ESPL1: variants seen among roughly 807,000 people sequenced by gnomAD.
The protein encoded by ESPL1 is extra spindle pole bodies like 1, separase, also known as separin.
A neutral mutation model predicts 217.2 loss-of-function variants in ESPL1; 50 were observed. The ratio of observed to expected loss-of-function variants is 0.23; its 90% CI spans 0.18 to 0.29. The LOEUF is 0.29. ESPL1 is among the 10% of genes least tolerant of loss of function. The pLI, the probability that ESPL1 is intolerant of heterozygous loss-of-function variation, is 1.00. For synonymous variants in ESPL1, 994 were observed against 1,081.3 expected, an observed-to-expected ratio of 0.92 and a Z score of 1.58; for missense variants, 1,834 against 2,603.0, an observed-to-expected ratio of 0.70 and a Z score of 6.43.
rs1944066371 is a variant in ESPL1 at position 53,291,879 on chromosome 12, G to A, written c.5691+19G>A. ...AGACAAGGTAAGGAGCTGGGGCAGA[G>A]GGGCAGTGTCTAGTGGGGAGTGAAT... On this transcript the variant is annotated intron_variant, in intron 26 of 30. Coordinates refer to ENST00000257934, the MANE Select transcript of ESPL1 (RefSeq NM_012291.5). 6.3e-7 allele frequency: 1 copy of A among 1,586,420 alleles called. No homozygotes were observed. The highest frequency in any genetic ancestry group is 1.7e-5 in the Admixed American group (1 of 58,068).
At position 53,286,170 on chromosome 12, in the gene ESPL1, C is replaced by A; in HGVS notation, c.3434C>A (p.Thr1145Asn). 1 of 1,614,276 alleles carries A rather than the reference C, an allele frequency of 6.2e-7. No homozygotes were observed. The highest frequency in any genetic ancestry group is 2.2e-5 in the East Asian group (1 of 44,888). Residue 1145 changes from threonine to asparagine, a missense_variant, in exon 18 of 31, where the codon ACC (threonine) becomes AAC (asparagine). Physicochemically the swap from Thr to Asn is moderately conservative, Grantham distance 65. Transcript: ENST00000257934. The surrounding 1 kb of genome is among the most constrained non-coding windows in gnomAD (Gnocchi z 5.3). Reference protein sequence around the residue: ...PIPNFLSHSPTCDCSLCASPV... With the variant: ...PIPNFLSHSPNCDCSLCASPV... The stretch of plus-strand genomic sequence containing the variant: ...CCCAACTTCCTGTCCCATTCACCCA[C>A]CTGTGACTGCTCGCTCTGCGCCAGC...
chr12:53,283,698 A>C (rs1282965038), intron 16 of ESPL1, among the ~76,000 whole-genome samples, 160 bp downstream of exon 16: 1 of 152,244 alleles, frequency 6.6e-6, no homozygotes, highest in African/African-American at 2.4e-5. Context: ...TGAGTTAATC[A>C]AGGTTAGATG....
rs761589487 is a variant in ESPL1 at position 53,281,545 on chromosome 12, C to T, written c.2538C>T (p.Leu846=). The part of the protein sequence containing the change: ...LEEAASSLKH[L]DQTTDTYLLL... ...AGGCAGCATCGAGCCTGAAGCATCT[C>T]GATCAGACTACTGACACATACCTGC... Residue 846 remains leucine, a synonymous_variant, in exon 13 of 31, where the codon CTC becomes CTT. Coordinates refer to ENST00000257934, the MANE Select transcript of ESPL1 (RefSeq NM_012291.5). 6.8e-6 allele frequency: 11 copies of T among 1,613,702 alleles called. No individual in the cohort carries two copies. The highest frequency in any genetic ancestry group is 1.7e-5 in the Admixed American group (1 of 59,996).
Position 53,292,633 on chromosome 12 carries a change from C to T in ESPL1, c.5972C>T (p.Ala1991Val). 6.2e-7 allele frequency: 1 copy of T among 1,612,926 alleles called. No homozygotes were observed. Among genetic ancestry groups the T allele is most frequent in the South Asian group, 1.1e-5 (1 of 91,076 alleles). Residue 1991 changes from alanine (A) to valine (V), a missense_variant, in exon 29 of 31, where the codon GCC becomes GTC. This residue lies in a region of ESPL1 where 295 missense variants were observed against 519.8 expected (regional missense o/e 0.57). Coordinates refer to ENST00000257934, the MANE Select transcript of ESPL1 (RefSeq NM_012291.5). This position sits in a 1 kb window ranked among gnomAD's most constrained non-coding sequence, Gnocchi z 4.5. ...CCAAGACCTGAACAGGTGCAGGAAGCCCTGACAAAGCATGATTTGTATATG... is the reference window on the plus strand; with the variant it reads ...CCAAGACCTGAACAGGTGCAGGAAGTCCTGACAAAGCATGATTTGTATATG... ...EVPRPEQVQE[A>V]LTKHDLYIYA...
At chr12:53,283,587 G>A (rs755748709) in intron 16 of ESPL1, 49 bp downstream of exon 16, 10 of 1,538,162 alleles carry the variant, frequency 6.5e-6, no homozygotes, top group Non-Finnish European at 8.9e-7. Context: ...AAAGTGCCAT[G>A]CACCCTTGAA....
chr12:53,290,320 G>A (rs963393658), intron 23 of ESPL1, 27 bp from the exon 24 acceptor site: 2 of 1,611,376 alleles, frequency 1.2e-6, no homozygotes, highest in Non-Finnish European at 1.7e-6. Context: ...TGGACAAGCA[G>A]AGCTCTCACA....
rs201681571 is a variant in ESPL1 at position 53,269,805 on chromosome 12, C to A, written c.863C>A (p.Ala288Asp). The change falls in exon 3 of 31, where the codon GCC (alanine) becomes GAC (aspartate). Residue 288 changes from alanine (A) to aspartate (D), a missense_variant. Ala to Asp is a moderately radical substitution (Grantham distance 126). Coordinates refer to ENST00000257934, the MANE Select transcript of ESPL1 (RefSeq NM_012291.5). This position sits in a 1 kb window ranked among gnomAD's most constrained non-coding sequence, Gnocchi z 6.7. ...AHSYLRNTNL[A>D]PSLQLCQLGV... ...AGTTACCTAAGGAACACCAATCTAG[C>A]CCCTAGCCTTCAGCTATGTCAGCTG... 2 of 1,614,196 alleles carry A rather than the reference C, an allele frequency of 1.2e-6. No individual in the cohort carries two copies. Among genetic ancestry groups the A allele is most frequent in the Middle Eastern group, 1.6e-4 (1 of 6,062 alleles).
chr12:53,288,530 C>T lies in ESPL1; in HGVS notation c.4547-8C>T. 1.2e-6 allele frequency: 2 copies of T among 1,606,282 alleles called. No individual in the cohort carries two copies. The highest frequency in any genetic ancestry group is 1.7e-6 in the Non-Finnish European group (2 of 1,177,044). ...GAGCACTGTGAAAAAGGCCTGCTCT[C>T]TCCCCAGGTGGGAAGACTCCAGCTC... On this transcript the variant is annotated splice_region_variant and splice_polypyrimidine_tract_variant and intron_variant, in intron 19 of 30. Transcript: ENST00000257934.
chr12:53,281,127 T>C (rs1375361527), intron 12 of ESPL1, among the ~76,000 whole-genome samples: 1 of 147,272 alleles, frequency 6.8e-6, no homozygotes, highest in East Asian at 2.0e-4. Context: ...GTAAATACTT[T>C]ACTCCACTTT....
chr12:53,291,221 G>C (rs181905888), intron 25 of ESPL1, among the ~76,000 whole-genome samples: 56 of 152,086 alleles, frequency 3.7e-4, no homozygotes, highest in Non-Finnish European at 6.9e-4. Flanking sequence ...AGAATTGCTT[G>C]AACCTGGGAG....
intron 14 of ESPL1, 30 bp from the exon 15 acceptor site, chr12:53,283,099 C>T: frequency 6.2e-7 from 1 of 1,613,678 alleles, no homozygotes; most frequent in Non-Finnish European, 8.5e-7. Context: ...CTGGCTGCAT[C>T]TTCTCCCTTT....
Position 53,277,515 on chromosome 12 carries a change from G to A in ESPL1, c.2131G>A (p.Glu711Lys), listed in dbSNP as rs1044812286. The change falls in exon 10 of 31, where the codon GAA becomes AAA. Residue 711 changes from glutamate to lysine, a missense_variant. By Grantham distance (56) the Glu-to-Lys change is moderately conservative (BLOSUM62 1). Around this residue, in one of 5 missense-constraint regions of ESPL1, gnomAD observed 746 missense variants for 1,077.0 expected, o/e 0.69. Transcript: ENST00000257934. ...RRAQAPGNLE[E>K]FEVNDLNYED... ...AGCCCAGGCCCCTGGTAACTTGGAGGAATTTGAAGTCAATGACCTGAACTA... is the reference window on the plus strand; with the variant it reads ...AGCCCAGGCCCCTGGTAACTTGGAGAAATTTGAAGTCAATGACCTGAACTA... 1 of 1,614,180 alleles carries A rather than the reference G, an allele frequency of 6.2e-7. No homozygotes were observed. Among genetic ancestry groups the A allele is most frequent in the African/African-American group, 1.3e-5 (1 of 75,042 alleles).
intron 18 of ESPL1, 143 bp downstream of exon 18, chr12:53,287,055 C>G: frequency 2.5e-6 from 2 of 786,922 alleles, no homozygotes; most frequent in Non-Finnish European, 3.9e-6. Flanking sequence ...CTGCAGTACC[C>G]CAATATCTTG....
chr12:53,278,021 C>T (rs1943800722), intron 11 of ESPL1, 61 bp downstream of exon 11: 4 of 1,545,992 alleles, frequency 2.6e-6, no homozygotes, highest in Non-Finnish European at 3.5e-6. Context: ...GAAACAGCTC[C>T]CTCGCCTTCT....
intron 20 of ESPL1, 180 bp downstream of exon 20, chr12:53,288,879 T>C: frequency 1.4e-6 from 1 of 715,730 alleles, no homozygotes; most frequent in Non-Finnish European, 2.3e-6. Flanking sequence ...CAAGCTTCTA[T>C]TCCTTCTGTA....
Position 53,290,356 on chromosome 12 carries a change from C to A in ESPL1, c.5251C>A (p.Arg1751Ser). ...GCCCCATCTCCCAAAGCTTCATCTG[C>A]GTTCAGTCCTGAATGAGTTTGATGC... is the stretch of plus-strand genomic sequence containing the variant. ...IPTGQNKLHL[R>S]SVLNEFDAIQ... The change falls in exon 24 of 31, where the codon CGT (arginine) becomes AGT (serine). Residue 1751 changes from arginine to serine, a missense_variant. Arg to Ser is a moderately radical substitution (Grantham distance 110). This residue lies in a region of ESPL1 where 295 missense variants were observed against 519.8 expected (regional missense o/e 0.57). Transcript: ENST00000257934. 1 of 1,612,900 alleles carries A rather than the reference C, an allele frequency of 6.2e-7. No individual in the cohort carries two copies. Among genetic ancestry groups the A allele is most frequent in the Non-Finnish European group, 8.5e-7 (1 of 1,180,000 alleles).
chr12:53,283,017 C>T, intron 14 of ESPL1, 112 bp from the exon 15 acceptor site: 3 of 1,387,490 alleles, frequency 2.2e-6, no homozygotes, highest in Non-Finnish European at 3.0e-6. Context: ...TTGATTAGCT[C>T]TGCCTGCCTT....
In ESPL1 at chr12:53,290,822, G is replaced by A. The variant is rs1235476222; in HGVS notation, c.5365-19G>A. On this transcript the variant is annotated intron_variant, in intron 24 of 30. Coordinates refer to ENST00000257934, the MANE Select transcript of ESPL1 (RefSeq NM_012291.5). ...GCTTGGTTTCCTCTCTGACTGAAGGGTCTGCCCTCTGCATTCAGGTTCTCA... is the reference window on the plus strand; with the variant it reads ...GCTTGGTTTCCTCTCTGACTGAAGGATCTGCCCTCTGCATTCAGGTTCTCA... 7.3e-7 allele frequency: 1 copy of A among 1,379,130 alleles called. No homozygotes were observed. Among genetic ancestry groups the A allele is most frequent in the Non-Finnish European group, 9.5e-7 (1 of 1,049,606 alleles). 85.4% of individuals were successfully genotyped at this position (1,379,130 alleles called of 1,614,324 possible).
chr12:53,289,372 T>C (rs1432559545), intron 21 of ESPL1, 32 bp from the exon 22 acceptor site: 1 of 1,611,116 alleles, frequency 6.2e-7, no homozygotes, highest in Non-Finnish European at 8.5e-7. Context: ...TTTGAAGGAA[T>C]GGGACCTCAC....
Sources: allele counts gnomAD v4.1 joint callset (sites outside exome capture counted in the v4.1 genomes callset), GRCh38; gene constraint gnomAD v4.1.1; regional missense constraint gnomAD v4.1.1; non-coding constraint Gnocchi (gnomAD v3.1); transcripts MANE v1.5; gene names NCBI Gene and HGNC (gene_info 2026-07-23, HGNC 2026-07-21).